Variants in THSD7A observed in about 807,000 individuals in gnomAD.
THSD7A encodes thrombospondin type 1 domain containing 7A, also known as thrombospondin type-1 domain-containing protein 7A.
THSD7A carries 96 observed loss-of-function variants against 231.3 expected under a neutral mutation model. The ratio of observed to expected loss-of-function variants is 0.41; its 90% CI spans 0.35 to 0.49. The LOEUF (loss-of-function observed/expected upper bound fraction) is 0.49, where lower values mean the gene tolerates loss of function less well. Among genes scored for constraint, THSD7A ranks in the 20% least tolerant of loss-of-function variants. The pLI is 0.05. For synonymous variants in THSD7A, 940 were observed against 743.3 expected, an observed-to-expected ratio of 1.26 and a Z score of -4.30; for missense variants, 2,290 against 2,070.2, an observed-to-expected ratio of 1.11 and a Z score of -2.06.
At chr7:11,487,596 A>G (rs1437045537) in intron 6 of THSD7A, among the ~76,000 whole-genome samples, 2 of 152,144 alleles carry the variant, frequency 1.3e-5, no homozygotes, top group African/African-American at 4.8e-5. Context: ...TTATAAAGAA[A>G]AAGAGGTTTA....
At chr7:11,503,124 A>G (rs1004884955) in intron 6 of THSD7A, among the ~76,000 whole-genome samples, 9 of 152,204 alleles carry the variant, frequency 5.9e-5, no homozygotes, top group African/African-American at 2.2e-4. Context: ...ACATAGACCA[A>G]TGGAACAGAA....
At chr7:11,771,930 C>T (rs760451181) in intron 1 of THSD7A, among the ~76,000 whole-genome samples, 2 of 152,064 alleles carry the variant, frequency 1.3e-5, no homozygotes, top group Non-Finnish European at 2.9e-5. Flanking sequence ...CTACTCTGGC[C>T]GTGTGATGTG....
intron 1 of THSD7A, among the ~76,000 whole-genome samples, chr7:11,646,289 A>G (rs1300306028): frequency 6.6e-6 from 1 of 152,026 alleles, no homozygotes; most frequent in Non-Finnish European, 1.5e-5. Context: ...AAAAAACAGA[A>G]AGCAAACTTG....
intron 23 of THSD7A, among the ~76,000 whole-genome samples, chr7:11,401,456 G>T (rs1783399219): frequency 6.6e-6 from 1 of 152,088 alleles, no homozygotes; most frequent in African/African-American, 2.4e-5. Flanking sequence ...CACTCTTGTT[G>T]CCCAGGCTGG....
intron 1 of THSD7A, among the ~76,000 whole-genome samples, chr7:11,668,626 CAA>C (rs1490011256): frequency 6.6e-6 from 1 of 151,912 alleles, no homozygotes; most frequent in Admixed American, 6.6e-5. Context: ...ATCAAACAAA[CAA>C]AGAGTGAACA....
intron 23 of THSD7A, among the ~76,000 whole-genome samples, chr7:11,387,500 T>G (rs4351330): frequency 2.0e-5 from 3 of 151,860 alleles, no homozygotes; most frequent in Admixed American, 6.6e-5. Context: ...CACTCATAAT[T>G]TGGCTGTTTT....
At chr7:11,424,604 G>T in intron 16 of THSD7A, 92 bp downstream of exon 16, 1 of 1,532,742 alleles carries the variant, frequency 6.5e-7, no homozygotes, top group South Asian at 1.2e-5. Context: ...TTATCCAGAA[G>T]ACTGGGGAGG....
Position 11,460,683 on chromosome 7 carries a change from C to T in THSD7A, c.2584G>A (p.Gly862Arg). Residue 862 changes from glycine (G) to arginine (R), a missense_variant, in exon 11 of 28, where the codon GGG becomes AGG. Physicochemically the swap from Gly to Arg is moderately radical, Grantham distance 125. Transcript: ENST00000423059. The stretch of plus-strand genomic sequence containing the variant: ...CCACCTCTTGCCTGTCGCCCAGGCC[C>T]ACAGCCTTCCTGTGCTCCAGGGCTG... Reference protein sequence around the residue: ...QDSPGAQEGCGPGRQARAITC... With the variant: ...QDSPGAQEGCRPGRQARAITC... 2 of 1,611,256 alleles carry T rather than the reference C, an allele frequency of 1.2e-6. No individual in the cohort carries two copies. Among genetic ancestry groups the T allele is most frequent in the Non-Finnish European group, 1.7e-6 (2 of 1,178,774 alleles).
chr7:11,643,654 C>G (rs2128364753), intron 1 of THSD7A, among the ~76,000 whole-genome samples: 1 of 151,762 alleles, frequency 6.6e-6, no homozygotes, highest in Non-Finnish European at 1.5e-5. Context: ...TATTTAATCT[C>G]CTTTGTTCTT....
At chr7:11,598,636 G>T (rs1185985748) in intron 2 of THSD7A, among the ~76,000 whole-genome samples, 1 of 152,200 alleles carries the variant, frequency 6.6e-6, no homozygotes, top group Non-Finnish European at 1.5e-5. Flanking sequence ...TTGCAGGGCT[G>T]GGGCAAAGTT....
intron 1 of THSD7A, among the ~76,000 whole-genome samples, chr7:11,789,460 C>T (rs999932405): frequency 6.6e-6 from 1 of 152,002 alleles, no homozygotes; most frequent in Non-Finnish European, 1.5e-5. Context: ...GAAAATGACA[C>T]TCGTCCTCTT....
At chr7:11,527,891 T>C (rs1417871464) in intron 6 of THSD7A, among the ~76,000 whole-genome samples, 1 of 152,162 alleles carries the variant, frequency 6.6e-6, no homozygotes, top group African/African-American at 2.4e-5. Context: ...TGGTGGCTCA[T>C]GCCTCTAATT....
At chr7:11,736,483 G>A (rs2883591) in intron 1 of THSD7A, among the ~76,000 whole-genome samples, 19,887 of 151,016 alleles carry the variant, frequency 0.13, 1,501 homozygotes, top group South Asian at 0.26. Context: ...GTGTGTGTGT[G>A]TAAAATAAAT....
intron 1 of THSD7A, among the ~76,000 whole-genome samples, chr7:11,736,671 T>TTTTAATGTA (rs1436558527): frequency 3.9e-5 from 6 of 152,008 alleles, no homozygotes; most frequent in Non-Finnish European, 7.4e-5. Flanking sequence ...AATAAAGGGC[T>TTTTAATGTA]AAGCATACCC....
chr7:11,796,620 A>C (rs1459708336), intron 1 of THSD7A, among the ~76,000 whole-genome samples: 1 of 140,386 alleles, frequency 7.1e-6, no homozygotes, highest in Non-Finnish European at 1.5e-5. Flanking sequence ...TTGTAAGATT[A>C]TCTCTAAGTA....
At chr7:11,386,778 C>G (rs987509504) in intron 23 of THSD7A, among the ~76,000 whole-genome samples, 1 of 152,190 alleles carries the variant, frequency 6.6e-6, no homozygotes, top group Admixed American at 6.5e-5. Context: ...GTCATGAAGT[C>G]TTTGCCCATG....
At chr7:11,450,203 A>G (rs1280426929) in intron 11 of THSD7A, among the ~76,000 whole-genome samples, 1 of 152,078 alleles carries the variant, frequency 6.6e-6, no homozygotes, top group African/African-American at 2.4e-5. Context: ...TAACACTACT[A>G]CCAATACAAT....
At chr7:11,772,004 G>T (rs919144410) in intron 1 of THSD7A, among the ~76,000 whole-genome samples, 3 of 152,158 alleles carry the variant, frequency 2.0e-5, no homozygotes, top group Non-Finnish European at 4.4e-5. Flanking sequence ...AAGTGAAGCA[G>T]GTGCCAGCAT....
intron 11 of THSD7A, among the ~76,000 whole-genome samples, chr7:11,450,179 AAAAC>A (rs1785098562): frequency 6.6e-6 from 1 of 152,058 alleles, no homozygotes; most frequent in African/African-American, 2.4e-5. Flanking sequence ...ACCAAAAAGA[AAAAC>A]AAAATAAAAT....
Sources: gnomAD v4.1 joint callset for allele counts (sites outside exome capture counted in the v4.1 genomes callset) on GRCh38, gnomAD v4.1.1 for gene constraint, MANE v1.5 for transcripts, NCBI Gene and HGNC (gene_info 2026-07-23, HGNC 2026-07-21) for gene names.